ASIC2: variants seen among roughly 807,000 people sequenced by gnomAD.
The protein encoded by ASIC2 is acid-sensing ion channel 2.
In ASIC2, 25 loss-of-function variants were observed where a neutral mutation model predicts 57.3. The observed-to-expected ratio is 0.44, with a 90% CI of 0.32 to 0.61. The LOEUF (loss-of-function observed/expected upper bound fraction) is 0.61. ASIC2 is among the 20% of genes least tolerant of loss of function. The pLI is 0.06. For synonymous variants in ASIC2, 319 were observed against 307.5 expected (o/e 1.04, Z -0.39); for missense variants, 641 against 738.1 (o/e 0.87, Z 1.52).
chr17:33,114,207 A>G (rs533309557), intron 1 of ASIC2, among the ~76,000 whole-genome samples: 14 of 152,364 alleles, frequency 9.2e-5, no homozygotes, highest in African/African-American at 3.4e-4. Flanking sequence ...AGCTGGAATT[A>G]ATGCAAAGTC....
intron 3 of ASIC2, among the ~76,000 whole-genome samples, chr17:33,077,780 A>G (rs2092095393): frequency 6.6e-6 from 1 of 152,202 alleles, no homozygotes; most frequent in South Asian, 2.1e-4. Context: ...AGAACAGGAA[A>G]GAGGTGTCTT....
chr17:34,154,140 T>A (rs1904626971), intron 1 of ASIC2, among the ~76,000 whole-genome samples: 1 of 152,186 alleles, frequency 6.6e-6, no homozygotes. Context: ...GTGTGTTCCA[T>A]GTGTGTTCAG....
chr17:33,917,915 G>C (rs570302740), intron 1 of ASIC2, among the ~76,000 whole-genome samples: 70 of 127,722 alleles, frequency 5.5e-4, no homozygotes, highest in South Asian at 5.3e-4. Context: ...CACACACACA[G>C]GTACTGAATA....
At position 33,670,028 on chromosome 17, in the gene ASIC2, G is replaced by A. The variant is rs575686211; in HGVS notation, c.555+485950C>T. Among the ~76,000 whole-genome samples, 14 of 152,276 alleles carry A rather than the reference G, an allele frequency of 9.2e-5. No homozygotes were observed. The South Asian group carries it at 2.9e-3, about 32-fold the overall frequency. On this transcript the variant is annotated intron_variant, in intron 1 of 9. Transcript: ENST00000359872. The stretch of plus-strand genomic sequence containing the variant: ...GTTTAGTAAATGCCATGAGAATTAG[G>A]TACTCATGCAAGGCTGAGTGATGCA...
At chr17:33,938,561 A>C (rs529505456) in intron 1 of ASIC2, among the ~76,000 whole-genome samples, 16 of 152,334 alleles carry the variant, frequency 1.1e-4, no homozygotes, top group Admixed American at 3.9e-4. Context: ...AGTCATCCTC[A>C]CAACTTCCTC....
At chr17:33,272,912 G>A (rs961561004) in intron 1 of ASIC2, among the ~76,000 whole-genome samples, 3 of 152,102 alleles carry the variant, frequency 2.0e-5, no homozygotes, top group Non-Finnish European at 4.4e-5. Flanking sequence ...TCAGCTCCAC[G>A]ATACCCTTGC....
rs893469231 is a variant in ASIC2, at chr17:34,038,125, C to T, written c.555+117853G>A. On this transcript the variant is annotated intron_variant, in intron 1 of 9. Coordinates refer to the ASIC2 transcript ENST00000359872. ...AATCTGTAATTTTTATCTCTCCACA[C>T]CCTGTACCATTTTCTAAAAGAATAT... 3.3e-5 allele frequency: 54 copies of T among 1,612,670 alleles called. No homozygotes were observed. The African/African-American group carries it at 5.6e-4, about 17-fold the overall frequency.
In ASIC2 at chr17:33,947,313, A is replaced by C. The variant is rs1458222247; in HGVS notation, c.555+208665T>G. 2.0e-5 allele frequency among the ~76,000 whole-genome samples: 3 copies of C among 152,178 alleles called. No homozygotes were observed. In the East Asian group the frequency reaches 5.8e-4, roughly 29 times the overall value. On this transcript the variant is annotated intron_variant, in intron 1 of 9. Transcript: ENST00000359872. ...AGACACAGGCAGATTCTCCAGGAAA[A>C]GGAGTACAGCTCCATTGGCGTTTCG...
intron 7 of ASIC2, among the ~76,000 whole-genome samples, chr17:33,020,852 C>T (rs1400591634): frequency 6.6e-6 from 1 of 152,132 alleles, no homozygotes; most frequent in Non-Finnish European, 1.5e-5. Context: ...CTTCTGATAC[C>T]TCTGCCCCCT....
intron 1 of ASIC2, among the ~76,000 whole-genome samples, chr17:34,099,481 G>A: frequency 7.3e-6 from 1 of 136,544 alleles, no homozygotes; most frequent in African/African-American, 2.8e-5. Context: ...AGAAAGGAAG[G>A]AAGGAGGGAA....
At chr17:33,613,575 G>A (rs1905491549) in intron 1 of ASIC2, among the ~76,000 whole-genome samples, 2 of 151,948 alleles carry the variant, frequency 1.3e-5, no homozygotes, top group African/African-American at 4.8e-5. Context: ...CACCGTGTTA[G>A]CCAGGATGAT....
rs201938271 is a variant in ASIC2 at position 34,042,680 on chromosome 17, T to C, written c.555+113298A>G. 3.3e-5 allele frequency among the ~76,000 whole-genome samples: 5 copies of C among 152,326 alleles called. No individual in the cohort carries two copies. The East Asian group carries it at 5.8e-4, about 18-fold the overall frequency. On this transcript the variant is annotated intron_variant, in intron 1 of 9. Transcript: ENST00000359872. Reference sequence around the variant, plus strand: ...TCCATATATATCCGAACTTATCAAATTGTATAATTTGGGATAGCACTTGGT... The same window carrying C: ...TCCATATATATCCGAACTTATCAAACTGTATAATTTGGGATAGCACTTGGT...
intron 1 of ASIC2, among the ~76,000 whole-genome samples, chr17:33,701,007 A>T (rs538980701): frequency 2.6e-5 from 4 of 152,348 alleles, no homozygotes; most frequent in South Asian, 4.1e-4. Flanking sequence ...TAATAATTTT[A>T]AAAAGCCGTT....
chr17:33,570,471 C>CT (rs1216661068), intron 1 of ASIC2, among the ~76,000 whole-genome samples: 1 of 152,208 alleles, frequency 6.6e-6, no homozygotes, highest in Non-Finnish European at 1.5e-5. Context: ...GCCTGTTTGG[C>CT]TTTAACACTT....
intron 1 of ASIC2, among the ~76,000 whole-genome samples, chr17:33,415,714 G>A (rs934565736): frequency 4.0e-5 from 6 of 151,712 alleles, no homozygotes; most frequent in African/African-American, 1.5e-4. Context: ...CTGGAGGGGA[G>A]AGAGAGAGAG....
chr17:33,160,147 T>G (rs922365147), intron 1 of ASIC2, among the ~76,000 whole-genome samples: 6 of 151,192 alleles, frequency 4.0e-5, no homozygotes, highest in Non-Finnish European at 8.8e-5. Context: ...AGGTGGAGGC[T>G]GCAGTGAGCC....
chr17:33,886,148 C>T (rs1364334883), intron 1 of ASIC2, among the ~76,000 whole-genome samples: 1 of 152,176 alleles, frequency 6.6e-6, no homozygotes, highest in Non-Finnish European at 1.5e-5. Flanking sequence ...TCTATCTTTA[C>T]CTTGCAAGTT....
chr17:34,108,655 T>C, intron 1 of ASIC2, among the ~76,000 whole-genome samples: 1 of 152,210 alleles, frequency 6.6e-6, no homozygotes. Flanking sequence ...AGCAGTTTAC[T>C]GTGTCATTCA....
intron 1 of ASIC2, among the ~76,000 whole-genome samples, chr17:34,139,979 TAA>T (rs1269660922): frequency 1.3e-5 from 2 of 152,180 alleles, no homozygotes; most frequent in African/African-American, 4.8e-5. Context: ...GCTTTTTCAT[TAA>T]AAGAGACAAA....
Sources: gnomAD v4.1 joint callset for allele counts (sites outside exome capture counted in the v4.1 genomes callset) on GRCh38, gnomAD v4.1.1 for gene constraint, MANE v1.5 for transcripts, NCBI Gene and HGNC (gene_info 2026-07-23, HGNC 2026-07-21) for gene names.